Variants in MAN1A1 observed in about 807,000 individuals in gnomAD.
The protein encoded by MAN1A1 is mannosidase alpha class 1A member 1, also known as mannosyl-oligosaccharide 1,2-alpha-mannosidase IA.
MAN1A1 carries 29 observed loss-of-function variants against 70.8 expected under a neutral mutation model. The observed-to-expected ratio is 0.41, with a 90% CI of 0.31 to 0.56. The LOEUF is 0.56. Among genes scored for constraint, MAN1A1 ranks in the 20% least tolerant of loss-of-function variants. The probability of loss-of-function intolerance (pLI) is 0.29; values close to 1 mark genes in which losing one functional copy is unlikely to be tolerated. For synonymous variants in MAN1A1, 349 were observed against 330.1 expected, an observed-to-expected ratio of 1.06 and a Z score of -0.62; for missense variants, 747 against 841.3, an observed-to-expected ratio of 0.89 and a Z score of 1.39.
At chr6:119,318,596 G>A (rs901248228) in intron 2 of MAN1A1, among the ~76,000 whole-genome samples, 7 of 152,146 alleles carry the variant, frequency 4.6e-5, no homozygotes, top group Admixed American at 3.3e-4. Context: ...GAGGCTTTCA[G>A]AAACATGACA....
chr6:119,235,649 T>C (rs1408623957), intron 6 of MAN1A1, among the ~76,000 whole-genome samples: 2 of 152,202 alleles, frequency 1.3e-5, no homozygotes, highest in Non-Finnish European at 2.9e-5. Flanking sequence ...AATGTGTTAG[T>C]GGCCACACTA....
chr6:119,232,208 T>C (rs1774699887), intron 6 of MAN1A1, among the ~76,000 whole-genome samples: 1 of 151,540 alleles, frequency 6.6e-6, no homozygotes, highest in South Asian at 2.1e-4. Flanking sequence ...TCGTCTCTAC[T>C]AAAAAATGCA....
intron 2 of MAN1A1, among the ~76,000 whole-genome samples, chr6:119,322,377 T>C (rs1269934840): frequency 2.0e-5 from 3 of 152,202 alleles, no homozygotes; most frequent in Admixed American, 6.5e-5. Flanking sequence ...TACTATGATA[T>C]GCCTTGCCAG....
At chr6:119,290,579 T>A (rs1390920205) in intron 5 of MAN1A1, 104 bp downstream of exon 5, 1 of 735,458 alleles carries the variant, frequency 1.4e-6, no homozygotes, top group Non-Finnish European at 2.3e-6. Flanking sequence ...AATATAAAAA[T>A]TCCATAGATT....
intron 6 of MAN1A1, among the ~76,000 whole-genome samples, chr6:119,229,217 A>C (rs918244038): frequency 9.6e-4 from 6 of 6,278 alleles, no homozygotes; most frequent in East Asian, 8.7e-3. Context: ...TCTGAGACAA[A>C]AAAAAAAAAA....
At chr6:119,282,021 C>T (rs1007487082) in intron 5 of MAN1A1, among the ~76,000 whole-genome samples, 2 of 152,124 alleles carry the variant, frequency 1.3e-5, no homozygotes, top group South Asian at 4.2e-4. Context: ...GAGCCAAGAT[C>T]GCACCACTGC....
intron 2 of MAN1A1, among the ~76,000 whole-genome samples, chr6:119,315,382 T>C (rs962336165): frequency 6.6e-6 from 1 of 152,244 alleles, no homozygotes; most frequent in Non-Finnish European, 1.5e-5. Context: ...TAAAGCCAGT[T>C]TTAAAAAATG....
At chr6:119,194,766 T>C (rs1773523260) in intron 8 of MAN1A1, among the ~76,000 whole-genome samples, 1 of 152,078 alleles carries the variant, frequency 6.6e-6, no homozygotes, top group African/African-American at 2.4e-5. Context: ...TTCACTGCCA[T>C]TTATCATGCC....
At chr6:119,229,774 A>AT (rs1355355341) in intron 6 of MAN1A1, among the ~76,000 whole-genome samples, 1 of 152,208 alleles carries the variant, frequency 6.6e-6, no homozygotes, top group East Asian at 1.9e-4. Context: ...ACAGATAAAG[A>AT]TATGTACATA....
chr6:119,344,426 G>A (rs1773675283), intron 2 of MAN1A1, among the ~76,000 whole-genome samples: 1 of 152,166 alleles, frequency 6.6e-6, no homozygotes. Flanking sequence ...ACTTGTTAAG[G>A]AGAGAAAAAC....
intron 2 of MAN1A1, among the ~76,000 whole-genome samples, chr6:119,316,169 T>C (rs1772846636): frequency 7.0e-6 from 1 of 142,124 alleles, no homozygotes; most frequent in African/African-American, 2.6e-5. Flanking sequence ...ATATTCATTT[T>C]TGTGGGTTTT....
chr6:119,181,252 A>G (rs1315776137), intron 11 of MAN1A1, among the ~76,000 whole-genome samples: 1 of 152,140 alleles, frequency 6.6e-6, no homozygotes, highest in Non-Finnish European at 1.5e-5. Context: ...GTTTGGAGAG[A>G]CTGCTAATGT....
intron 8 of MAN1A1, among the ~76,000 whole-genome samples, chr6:119,199,327 T>C (rs78437356): frequency 0.047 from 7,082 of 152,260 alleles, 205 homozygotes; most frequent in East Asian, 0.082. Flanking sequence ...GCCTAAATAA[T>C]CATTTTTTAA....
At chr6:119,303,914 G>A (rs1383377288) in intron 3 of MAN1A1, among the ~76,000 whole-genome samples, 1 of 152,118 alleles carries the variant, frequency 6.6e-6, no homozygotes, top group East Asian at 1.9e-4. Context: ...CCTAGCTTTG[G>A]AAATAAAAGT....
At chr6:119,192,621 T>A (rs1773470704) in intron 9 of MAN1A1, among the ~76,000 whole-genome samples, 1 of 152,190 alleles carries the variant, frequency 6.6e-6, no homozygotes, top group Admixed American at 6.5e-5. Context: ...ATTTTTTTCC[T>A]ATGAATTAAC....
At chr6:119,202,247 T>C (rs982736195) in intron 7 of MAN1A1, among the ~76,000 whole-genome samples, 3 of 152,324 alleles carry the variant, frequency 2.0e-5, no homozygotes, top group East Asian at 1.9e-4. Context: ...AAAATTTCTT[T>C]TTAAAGTTGT....
chr6:119,271,480 A>G (rs1315454953), intron 5 of MAN1A1, among the ~76,000 whole-genome samples: 1 of 152,106 alleles, frequency 6.6e-6, no homozygotes, highest in Non-Finnish European at 1.5e-5. Context: ...TCTCCAATAC[A>G]ATGATTATTT....
chr6:119,235,476 AC>A (rs1359208258), intron 6 of MAN1A1, among the ~76,000 whole-genome samples: 3 of 152,198 alleles, frequency 2.0e-5, no homozygotes, highest in Admixed American at 2.0e-4. Flanking sequence ...CTTTAATTCT[AC>A]GAAGACTGAC....
intron 2 of MAN1A1, among the ~76,000 whole-genome samples, chr6:119,313,487 T>G (rs1184441228): frequency 1.3e-5 from 2 of 152,144 alleles, no homozygotes; most frequent in Non-Finnish European, 2.9e-5. Flanking sequence ...ATGTATCCCC[T>G]TCTCTCTTTC....
Sources: allele counts gnomAD v4.1 joint callset (sites outside exome capture counted in the v4.1 genomes callset), GRCh38; gene constraint gnomAD v4.1.1; transcripts MANE v1.5; gene names NCBI Gene and HGNC (gene_info 2026-07-23, HGNC 2026-07-21).